ADAMTS19: variants seen among roughly 807,000 people sequenced by gnomAD.
The protein encoded by ADAMTS19 is A disintegrin and metalloproteinase with thrombospondin motifs 19.
Under a neutral mutation model 153.3 loss-of-function variants are expected in ADAMTS19, and 93 were observed. The observed-to-expected ratio is 0.61, with a 90% confidence interval of 0.51 to 0.72. The LOEUF (loss-of-function observed/expected upper bound fraction) is 0.72, where lower values mean the gene tolerates loss of function less well. Among genes scored for constraint, ADAMTS19 ranks in the 30% least tolerant of loss-of-function variants. ADAMTS19 has a pLI of 0.00. For missense variants in ADAMTS19, 1,482 were observed against 1,552.1 expected, an observed-to-expected ratio of 0.95 and a Z score of 0.76; for synonymous variants, 600 against 556.6, an observed-to-expected ratio of 1.08 and a Z score of -1.10.
intron 6 of ADAMTS19, among the ~76,000 whole-genome samples, chr5:129,535,935 G>T (rs534807614): frequency 2.2e-4 from 33 of 152,230 alleles, no homozygotes; most frequent in African/African-American, 7.9e-4. Context: ...AGACTTACAT[G>T]TTAGACCTAA....
At chr5:129,599,527 A>G (rs1358520952) in intron 8 of ADAMTS19, among the ~76,000 whole-genome samples, 1 of 152,180 alleles carries the variant, frequency 6.6e-6, no homozygotes, top group Non-Finnish European at 1.5e-5. Context: ...TTAAACCGAT[A>G]TGTTTAAAAC....
intron 6 of ADAMTS19, among the ~76,000 whole-genome samples, chr5:129,544,013 C>A (rs73787571): frequency 0.039 from 5,891 of 152,152 alleles, 348 homozygotes; most frequent in African/African-American, 0.13. Flanking sequence ...TTTAGCTCTA[C>A]CTTTTCCACA....
intron 10 of ADAMTS19, among the ~76,000 whole-genome samples, chr5:129,640,548 T>A (rs1428952560): frequency 1.3e-5 from 2 of 152,154 alleles, no homozygotes; most frequent in Non-Finnish European, 2.9e-5. Flanking sequence ...ATCTTATCAA[T>A]CTGCTGCTGG....
At chr5:129,697,370 C>G (rs528306541) in intron 19 of ADAMTS19, among the ~76,000 whole-genome samples, 23 of 152,046 alleles carry the variant, frequency 1.5e-4, no homozygotes, top group Middle Eastern at 3.2e-3. Context: ...GCTTAAAATT[C>G]TATTTTTGGT....
chr5:129,577,706 A>G (rs1259456760), intron 7 of ADAMTS19, among the ~76,000 whole-genome samples: 1 of 152,076 alleles, frequency 6.6e-6, no homozygotes, highest in Non-Finnish European at 1.5e-5. Context: ...GAATTAATGA[A>G]CGATTACAGG....
chr5:129,486,819 A>G (rs76311698), intron 2 of ADAMTS19, among the ~76,000 whole-genome samples: 50 of 152,294 alleles, frequency 3.3e-4, no homozygotes, highest in East Asian at 1.2e-3. Context: ...AAAAGAAGTA[A>G]AATTGTGCTT....
At chr5:129,506,195 C>G (rs1751264276) in intron 2 of ADAMTS19, among the ~76,000 whole-genome samples, 1 of 149,872 alleles carries the variant, frequency 6.7e-6, no homozygotes, top group African/African-American at 2.4e-5. Context: ...TAATATGAGC[C>G]AGTATCTTGA....
At position 129,461,679 on chromosome 5, in the gene ADAMTS19, C is replaced by A; in HGVS notation, c.669C>A (p.Asp223Glu). 6.3e-7 allele frequency: 1 copy of A among 1,579,994 alleles called. No individual in the cohort carries two copies. The highest frequency in any genetic ancestry group is 8.6e-7 in the Non-Finnish European group (1 of 1,168,862). Residue 223 changes from aspartate to glutamate, a missense_variant, in exon 2 of 23, where the codon GAC becomes GAA. By Grantham distance (45) the Asp-to-Glu change is conservative. Coordinates refer to ENST00000274487, the MANE Select transcript of ADAMTS19 (RefSeq NM_133638.6). This position sits in a 1 kb window ranked among gnomAD's most constrained non-coding sequence, Gnocchi z 4.6. The part of the protein sequence containing the change: ...ASAPQPPAPP[D>E]AGCFYTGAVL... ...CCCCGCAACCTCCCGCGCCACCAGA[C>A]GCAGGCTGCTTCTACACCGGAGCTG...
In ADAMTS19 at chr5:129,704,451, G is replaced by C. The variant is rs1373396757; in HGVS notation, c.3312+60G>C. 5.1e-6 allele frequency: 8 copies of C among 1,558,472 alleles called. No homozygotes were observed. The Admixed American group carries it at 1.5e-4, about 29-fold the overall frequency. On this transcript the variant is annotated intron_variant, in intron 21 of 22. Transcript: ENST00000274487. ...TTCAATAATGTCAGCATTGCCCTGG[G>C]TACTATAACCACATAGCATGGAGTT...
intron 6 of ADAMTS19, among the ~76,000 whole-genome samples, chr5:129,532,135 C>T (rs1299359714): frequency 1.3e-5 from 2 of 151,984 alleles, no homozygotes; most frequent in African/African-American, 4.8e-5. Flanking sequence ...AAGTACTAAT[C>T]AAGAAATATT....
rs1308554316 is a variant in ADAMTS19, at chr5:129,665,586, T to C, written c.2506+7T>C. ...CCGGCACATAGCTATTTAGGTAACC[T>C]GTGTTACAGACACAGAGAAGATCCA... On this transcript the variant is annotated splice_region_variant and intron_variant, in intron 16 of 22. Coordinates refer to ENST00000274487, the MANE Select transcript of ADAMTS19 (RefSeq NM_133638.6). 1.9e-6 allele frequency: 3 copies of C among 1,602,964 alleles called. No individual in the cohort carries two copies. The highest frequency in any genetic ancestry group is 2.6e-6 in the Non-Finnish European group (3 of 1,171,996).
At chr5:129,658,825 T>C (rs1753706102) in intron 15 of ADAMTS19, 88 bp downstream of exon 15, 2 of 1,359,652 alleles carry the variant, frequency 1.5e-6, no homozygotes, top group Admixed American at 2.4e-5. Flanking sequence ...GAGATTATAG[T>C]TCTAATTCTA....
At chr5:129,617,193 A>G (rs1293833081) in intron 8 of ADAMTS19, among the ~76,000 whole-genome samples, 1 of 151,986 alleles carries the variant, frequency 6.6e-6, no homozygotes, top group East Asian at 1.9e-4. Context: ...ATGTGTGCTT[A>G]AAAAAGCCTG....
intron 2 of ADAMTS19, among the ~76,000 whole-genome samples, chr5:129,478,670 C>A: frequency 6.6e-6 from 1 of 152,126 alleles, no homozygotes; most frequent in Non-Finnish European, 1.5e-5. Flanking sequence ...CTTCAGCCTC[C>A]CCAGTTGCCA....
intron 6 of ADAMTS19, among the ~76,000 whole-genome samples, chr5:129,543,729 C>A (rs912862689): frequency 2.0e-5 from 3 of 152,146 alleles, no homozygotes; most frequent in African/African-American, 7.2e-5. Context: ...GCAAGCGGGC[C>A]TGAGTCTTTG....
At chr5:129,603,216 C>G (rs1750744907) in intron 8 of ADAMTS19, among the ~76,000 whole-genome samples, 1 of 152,164 alleles carries the variant, frequency 6.6e-6, no homozygotes, top group Non-Finnish European at 1.5e-5. Flanking sequence ...ATGTGACAGT[C>G]ACTGTTCAGT....
In ADAMTS19 at chr5:129,620,730, A is replaced by G. The variant is rs1751742119; in HGVS notation, c.1591A>G (p.Ser531Gly). Reference sequence around the variant, plus strand: ...TGGTGACGTTTCATGGTCTCGATGTAGCAAGGAAGATTTGGAAAGATTTCT... The same window carrying G: ...TGGTGACGTTTCATGGTCTCGATGTGGCAAGGAAGATTTGGAAAGATTTCT... ...NLGDVSWSRC[S>G]KEDLERFLRS... The change falls in exon 9 of 23, where the codon AGC (serine) becomes GGC (glycine). Residue 531 changes from serine (S) to glycine (G), a missense_variant. Physicochemically the swap from Ser to Gly is moderately conservative, Grantham distance 56. Around this residue, in one of 2 missense-constraint regions of ADAMTS19, gnomAD observed 866 missense variants for 827.7 expected, o/e 1.05. Coordinates refer to ENST00000274487, the MANE Select transcript of ADAMTS19 (RefSeq NM_133638.6). The G allele has an allele frequency of 6.2e-7, 1 of 1,612,882 alleles. No individual in the cohort carries two copies. Among genetic ancestry groups the G allele is most frequent in the Non-Finnish European group, 8.5e-7 (1 of 1,179,246 alleles).
At chr5:129,586,078 ACAC>A (rs925593110) in intron 7 of ADAMTS19, among the ~76,000 whole-genome samples, 7 of 152,112 alleles carry the variant, frequency 4.6e-5, no homozygotes, top group African/African-American at 1.7e-4. Flanking sequence ...GGTTTCTCTT[ACAC>A]CCCCTGTCCA....
chr5:129,530,919 A>C (rs1219171998), intron 6 of ADAMTS19, among the ~76,000 whole-genome samples: 3 of 152,176 alleles, frequency 2.0e-5, no homozygotes, highest in African/African-American at 7.2e-5. Context: ...TAAGAAATCT[A>C]ACAAAAATTT....
Sources: gnomAD v4.1 joint callset for allele counts (sites outside exome capture counted in the v4.1 genomes callset) on GRCh38, gnomAD v4.1.1 for gene constraint, gnomAD v4.1.1 regional missense constraint, Gnocchi (gnomAD v3.1) non-coding constraint, MANE v1.5 for transcripts, NCBI Gene and HGNC (gene_info 2026-07-23, HGNC 2026-07-21) for gene names.